The following AFF2 variants were observed in gnomAD, a reference collection of about 807,000 sequenced individuals.
The protein encoded by AFF2 is AF4/FMR2 family member 2.
A neutral mutation model predicts 76.9 loss-of-function variants in AFF2; 14 were observed. The ratio of observed to expected loss-of-function variants is 0.18; its 90% CI spans 0.12 to 0.28. The LOEUF (loss-of-function observed/expected upper bound fraction) is 0.28. Ranked by LOEUF, AFF2 falls within the 10% of genes least tolerant of loss-of-function variation. The probability of loss-of-function intolerance (pLI) is 1.00; values close to 1 mark genes in which losing one functional copy is unlikely to be tolerated. For missense variants in AFF2, 868 were observed against 1,001.1 expected, an observed-to-expected ratio of 0.87 and a Z score of 1.79; for synonymous variants, 398 against 366.7, an observed-to-expected ratio of 1.09 and a Z score of -0.98.
intron 9 of AFF2, among the ~76,000 whole-genome samples, chrX:148,940,069 T>C (rs2071816321): frequency 8.9e-6 from 1 of 111,980 alleles, no homozygotes; most frequent in Admixed American, 9.5e-5. Flanking sequence ...CCAGGTTTTG[T>C]CATTAAGAAG....
intron 3 of AFF2, among the ~76,000 whole-genome samples, chrX:148,766,148 A>G (rs1377203703): frequency 9.1e-6 from 1 of 110,399 alleles, no homozygotes; most frequent in Non-Finnish European, 1.9e-5. Flanking sequence ...TATTGTGAAT[A>G]GTGCCGCCAT....
chrX:148,803,554 CT>C (rs1431112790), intron 3 of AFF2, among the ~76,000 whole-genome samples: 1 of 111,648 alleles, frequency 9.0e-6, no homozygotes, highest in Non-Finnish European at 1.9e-5. Flanking sequence ...AGATGTTTAC[CT>C]TGTTTTTGTC....
intron 3 of AFF2, among the ~76,000 whole-genome samples, chrX:148,703,781 C>A (rs1368378729): frequency 9.0e-6 from 1 of 111,415 alleles, no homozygotes; most frequent in African/African-American, 3.3e-5. Context: ...TTTATATTTC[C>A]ACCTGGATAC....
intron 15 of AFF2, among the ~76,000 whole-genome samples, chrX:148,968,682 T>C (rs782328675): frequency 2.5e-3 from 278 of 112,346 alleles, no homozygotes; most frequent in Admixed American, 4.0e-3. Flanking sequence ...ATCTGCCTTT[T>C]CCCTACTTTC....
chrX:148,982,739 A>T (rs1467387876), intron 19 of AFF2, among the ~76,000 whole-genome samples: 5 of 111,739 alleles, frequency 4.5e-5, no homozygotes, highest in African/African-American at 1.6e-4. Flanking sequence ...TGGAAGCTGG[A>T]GAAAGAAAGT....
At chrX:148,525,667 G>A (rs2077187487) in intron 1 of AFF2, among the ~76,000 whole-genome samples, 1 of 111,759 alleles carries the variant, frequency 8.9e-6, no homozygotes, top group African/African-American at 3.3e-5. Context: ...TAATTTTATA[G>A]TATCATTAAA....
chrX:148,856,935 C>G (rs2070792894), intron 7 of AFF2, among the ~76,000 whole-genome samples: 2 of 112,301 alleles, frequency 1.8e-5, no homozygotes, highest in African/African-American at 3.2e-5. Flanking sequence ...CTTGCCTGGG[C>G]AAATTGTTCC....
At chrX:148,811,403 C>T (rs1243981533) in intron 4 of AFF2, among the ~76,000 whole-genome samples, 6 of 111,207 alleles carry the variant, frequency 5.4e-5, no homozygotes, top group African/African-American at 1.3e-4. Flanking sequence ...AGGGGCCCGA[C>T]GTTTTGGGTG....
intron 5 of AFF2, among the ~76,000 whole-genome samples, chrX:148,838,086 AAT>A (rs1282186848): frequency 5.4e-5 from 6 of 112,063 alleles, no homozygotes; most frequent in African/African-American, 9.7e-5. Context: ...TGTACTCTTT[AAT>A]GAACTGATTT....
At chrX:148,603,636 G>A (rs2053647549) in intron 1 of AFF2, among the ~76,000 whole-genome samples, 1 of 110,446 alleles carries the variant, frequency 9.1e-6, no homozygotes, top group Non-Finnish European at 1.9e-5. Context: ...ACTTTCTCCA[G>A]ATGCAGTGAG....
intron 7 of AFF2, among the ~76,000 whole-genome samples, chrX:148,867,374 G>C (rs2070919994): frequency 8.9e-6 from 1 of 112,208 alleles, no homozygotes. Context: ...CTGTGCACCA[G>C]TCTGGTAAAA....
intron 3 of AFF2, among the ~76,000 whole-genome samples, chrX:148,749,380 T>C (rs2124573349): frequency 9.1e-6 from 1 of 110,120 alleles, no homozygotes; most frequent in Admixed American, 9.7e-5. Flanking sequence ...CAACAGATCC[T>C]CCCACTTCAG....
chrX:148,503,109 T>G (rs2052371434), intron 1 of AFF2, among the ~76,000 whole-genome samples: 1 of 112,743 alleles, frequency 8.9e-6, no homozygotes, highest in Non-Finnish European at 1.9e-5. Context: ...TAAATAAGCC[T>G]GTCCTTTCCC....
At chrX:148,759,508 T>A (rs945847852) in intron 3 of AFF2, among the ~76,000 whole-genome samples, 2 of 112,240 alleles carry the variant, frequency 1.8e-5, no homozygotes, top group Non-Finnish European at 3.8e-5. Flanking sequence ...AAAGGTTGAA[T>A]GCAGTGTGAC....
At chrX:148,720,428 ATATT>A (rs1209836348) in intron 3 of AFF2, among the ~76,000 whole-genome samples, 1 of 109,173 alleles carries the variant, frequency 9.2e-6, no homozygotes, top group Non-Finnish European at 1.9e-5. Flanking sequence ...ATAGATATAT[ATATT>A]TAATCTTTTA....
At chrX:148,521,703 T>C (rs1040043696) in intron 1 of AFF2, among the ~76,000 whole-genome samples, 1 of 112,080 alleles carries the variant, frequency 8.9e-6, no homozygotes, top group South Asian at 3.7e-4. Flanking sequence ...CAGTTGAGGC[T>C]ACATGGAATT....
chrX:148,834,821 T>C (rs1410561012), intron 4 of AFF2, among the ~76,000 whole-genome samples: 1 of 112,071 alleles, frequency 8.9e-6, no homozygotes, highest in Non-Finnish European at 1.9e-5. Flanking sequence ...TTTACAAGTC[T>C]AATTCATTTT....
chrX:148,633,952 G>A (rs189513185), intron 1 of AFF2, among the ~76,000 whole-genome samples: 43 of 111,984 alleles, frequency 3.8e-4, no homozygotes, highest in African/African-American at 1.3e-3. Context: ...GGGTGGTAGA[G>A]AGAAAAGAGC....
intron 9 of AFF2, among the ~76,000 whole-genome samples, chrX:148,922,501 A>T (rs1363417115): frequency 8.9e-6 from 1 of 112,219 alleles, no homozygotes; most frequent in Non-Finnish European, 1.9e-5. Context: ...CTAAAGAATA[A>T]TTCAAATGCA....
Sources: allele counts gnomAD v4.1 joint callset (sites outside exome capture counted in the v4.1 genomes callset), GRCh38; gene constraint gnomAD v4.1.1; transcripts MANE v1.5; gene names NCBI Gene and HGNC (gene_info 2026-07-23, HGNC 2026-07-21).